IRAG2: variants seen among roughly 807,000 people sequenced by gnomAD.
The protein encoded by IRAG2 is inositol 1,4,5-triphosphate receptor associated 2, also known as lymphoid restricted membrane protein.
Under a neutral mutation model 69.9 loss-of-function variants are expected in IRAG2, and 45 were observed. That is an observed-to-expected ratio of 0.64 (90% CI 0.51 to 0.83). IRAG2 has a LOEUF of 0.83. Ranked by LOEUF, IRAG2 falls within the 40% of genes least tolerant of loss-of-function variation. The pLI, the probability that IRAG2 is intolerant of heterozygous loss-of-function variation, is 0.00. For missense variants in IRAG2, 520 were observed against 587.0 expected (o/e 0.89, Z 1.18); for synonymous variants, 193 against 202.4 (o/e 0.95, Z 0.40).
chr12:25,070,132 A>G (rs1045194178), intron 6 of IRAG2, among the ~76,000 whole-genome samples: 1 of 152,180 alleles, frequency 6.6e-6, no homozygotes, highest in Non-Finnish European at 1.5e-5. Context: ...CCCACCAGAC[A>G]ATTCATTAAT....
At chr12:25,075,521 C>CGTGT (rs747046833) in intron 6 of IRAG2, among the ~76,000 whole-genome samples, 7,250 of 139,258 alleles carry the variant, frequency 0.052, 219 homozygotes, top group East Asian at 0.12. Context: ...TGTGTGTATG[C>CGTGT]GTGTGTGTGT....
chr12:25,004,277 A>T, upstream of IRAG2: 12 of 1,083,050 alleles, frequency 1.1e-5, no homozygotes, highest in Non-Finnish European at 1.4e-5. Context: ...ACTGACTTTT[A>T]AACATGTATC....
chr12:25,077,216 A>G (rs1464248077), intron 6 of IRAG2, among the ~76,000 whole-genome samples: 5 of 94,732 alleles, frequency 5.3e-5, no homozygotes, highest in Non-Finnish European at 1.1e-4. Context: ...TATGATATAT[A>G]TGAAATATAT....
chr12:25,086,981 GTCA>G (rs1947649962), intron 10 of IRAG2, among the ~76,000 whole-genome samples: 1 of 151,848 alleles, frequency 6.6e-6, no homozygotes, highest in African/African-American at 2.4e-5. Flanking sequence ...AGCCATCTTT[GTCA>G]CAATTTCTCC....
At chr12:25,063,895 TA>T (rs1285938107) in intron 4 of IRAG2, 79 bp downstream of exon 4, 1 of 398,510 alleles carries the variant, frequency 2.5e-6, no homozygotes, top group Non-Finnish European at 4.4e-6. Context: ...TAGTTATTAT[TA>T]CATTTGTATA....
intron 16 of IRAG2, among the ~76,000 whole-genome samples, chr12:25,044,330 A>C (rs1944774321): frequency 6.6e-6 from 1 of 152,030 alleles, no homozygotes; most frequent in Non-Finnish European, 1.5e-5. Context: ...AACAAAACTC[A>C]AAGGAAGGCA....
At chr12:25,065,525 G>A (rs896258272) in intron 4 of IRAG2, among the ~76,000 whole-genome samples, 3 of 152,140 alleles carry the variant, frequency 2.0e-5, no homozygotes, top group Non-Finnish European at 4.4e-5. Flanking sequence ...TAATTACCAT[G>A]TCTAATGCTT....
upstream of IRAG2, among the ~76,000 whole-genome samples, chr12:25,002,823 G>A (rs1944402189): frequency 6.6e-6 from 1 of 151,876 alleles, no homozygotes; most frequent in Non-Finnish European, 1.5e-5. Flanking sequence ...TGTATTTTTA[G>A]TAGAGATAGG....
intron 10 of IRAG2, among the ~76,000 whole-genome samples, chr12:25,085,446 C>T (rs1303725060): frequency 6.6e-6 from 1 of 152,206 alleles, no homozygotes; most frequent in Non-Finnish European, 1.5e-5. Context: ...CCAGACATCC[C>T]CCCTCTTCTC....
chr12:25,046,313 C>G (rs1944792752), intron 16 of IRAG2, among the ~76,000 whole-genome samples: 1 of 151,860 alleles, frequency 6.6e-6, no homozygotes, highest in East Asian at 1.9e-4. Context: ...AGCAAGGATG[C>G]TCACTCTCAC....
In IRAG2 at chr12:25,071,960, T is replaced by C. The variant is rs1296607598; in HGVS notation, c.24+2529T>C. Among the ~76,000 whole-genome samples the C allele has an allele frequency of 2.0e-5, 3 of 152,092 alleles. No homozygotes were observed. In the East Asian group the frequency reaches 5.8e-4, roughly 29 times the overall value. On this transcript the variant is annotated intron_variant, in intron 6 of 21. Coordinates refer to ENST00000556887, the MANE Select transcript of IRAG2 (RefSeq NM_001366544.2). ...GGCACACGCCTGTAATCCCAGCACT[T>C]TGGGAGACCGAGGCAGGTGGATCAC...
intron 6 of IRAG2, among the ~76,000 whole-genome samples, chr12:25,018,811 A>G (rs1787339951): frequency 6.6e-6 from 1 of 152,236 alleles, no homozygotes; most frequent in African/African-American, 2.4e-5. Flanking sequence ...GAGAATCCAG[A>G]TGGGCAATCA....
Position 25,101,223 on chromosome 12 carries a change from G to GT in IRAG2, c.787_788insT (p.Glu263ValfsTer13). The stretch of plus-strand genomic sequence containing the variant: ...AGTTGAAGTGATGATTCAGCACGTA[G>GT]AAAACTTGAAGAGGATGTATGCCAA... On this transcript the variant is annotated frameshift_variant, in exon 16 of 22. Transcript: ENST00000556887. LOFTEE classifies it high-confidence loss of function. 6.2e-7 allele frequency: 1 copy of GT among 1,612,594 alleles called. No individual in the cohort carries two copies. Among genetic ancestry groups the GT allele is most frequent in the Non-Finnish European group, 8.5e-7 (1 of 1,179,186 alleles).
At chr12:25,043,305 G>T (rs11047780) in intron 16 of IRAG2, among the ~76,000 whole-genome samples, 1 of 152,166 alleles carries the variant, frequency 6.6e-6, no homozygotes, top group Non-Finnish European at 1.5e-5. Context: ...GTGGGGAGGA[G>T]AATCAAACCA....
At chr12:25,017,047 A>G (rs79815078) in intron 5 of IRAG2, 26,627 of 1,082,606 alleles carry the variant, frequency 0.025, 440 homozygotes, top group East Asian at 0.091. Flanking sequence ...CAGAATATCA[A>G]AGTTTGGTTT....
intron 6 of IRAG2, among the ~76,000 whole-genome samples, chr12:25,072,069 GT>G (rs1946374843): frequency 6.6e-6 from 1 of 152,094 alleles, no homozygotes; most frequent in African/African-American, 2.4e-5. Context: ...GCCAGGCATG[GT>G]GGCAGGCGCC....
At position 25,010,468 on chromosome 12, in the gene IRAG2, A is replaced by G. The variant is rs571187442; in HGVS notation, c.689-876A>G. Among the ~76,000 whole-genome samples the G allele has an allele frequency of 7.9e-4, 74 of 93,154 alleles. No homozygotes were observed. In the South Asian group the frequency reaches 0.02, roughly 25 times the overall value. The allele number at this position is 93,154 out of a possible 152,430, so 61.1% of individuals were successfully genotyped here. On this transcript the variant is annotated intron_variant, in intron 2 of 38. Transcript: ENST00000636465. ...GCAACATAGCAAGACCCTGTGTCAA[A>G]AAACAAACAAAAAAAAAAAACAGTT... is the stretch of plus-strand genomic sequence containing the variant.
intron 15 of IRAG2, chr12:25,037,843 C>G (rs1944713901): frequency 5.1e-6 from 2 of 395,798 alleles, no homozygotes; most frequent in Admixed American, 8.8e-5. Flanking sequence ...AGAATTGGTA[C>G]TCATTGACAT....
intron 20 of IRAG2, among the ~76,000 whole-genome samples, chr12:25,105,234 G>A (rs1251792873): frequency 6.6e-6 from 1 of 151,720 alleles, no homozygotes; most frequent in Admixed American, 6.6e-5. Context: ...CCGCCACCAC[G>A]CCCGGCTAAT....
Sources: allele counts gnomAD v4.1 joint callset (sites outside exome capture counted in the v4.1 genomes callset), GRCh38; gene constraint gnomAD v4.1.1; transcripts MANE v1.5; gene names NCBI Gene and HGNC (gene_info 2026-07-23, HGNC 2026-07-21).